DPP10: variants seen among roughly 807,000 people sequenced by gnomAD.
DPP10 encodes the protein dipeptidyl peptidase like 10, also known as inactive dipeptidyl peptidase 10.
A neutral mutation model predicts 120.9 loss-of-function variants in DPP10; 33 were observed. The ratio of observed to expected loss-of-function variants is 0.27; its 90% CI spans 0.21 to 0.37. The LOEUF is 0.37. Among genes scored for constraint, DPP10 ranks in the 10% least tolerant of loss-of-function variants. DPP10 has a pLI of 1.00. For synonymous variants in DPP10, 337 were observed against 326.1 expected, an observed-to-expected ratio of 1.03 and a Z score of -0.36; for missense variants, 816 against 942.8, an observed-to-expected ratio of 0.87 and a Z score of 1.76.
intron 1 of DPP10, among the ~76,000 whole-genome samples, chr2:115,210,652 C>T (rs2105349296): frequency 6.6e-6 from 1 of 152,248 alleles, no homozygotes; most frequent in Non-Finnish European, 1.5e-5. Flanking sequence ...AAAAGCATTC[C>T]TATTTCTCCA....
chr2:114,993,342 A>T (rs1700857504), intron 1 of DPP10, among the ~76,000 whole-genome samples: 1 of 138,456 alleles, frequency 7.2e-6, no homozygotes, highest in African/African-American at 2.7e-5. Context: ...GGTACTTGGT[A>T]CTTGGCACAG....
At chr2:115,067,499 G>A (rs112771163) in intron 1 of DPP10, among the ~76,000 whole-genome samples, 24,040 of 146,012 alleles carry the variant, frequency 0.16, 2,232 homozygotes, top group African/African-American at 0.27. Flanking sequence ...TGATCCCCCC[G>A]CCTCGGCCTC....
intron 7 of DPP10, among the ~76,000 whole-genome samples, chr2:115,716,498 A>G (rs2092498259): frequency 6.6e-6 from 1 of 152,146 alleles, no homozygotes; most frequent in Non-Finnish European, 1.5e-5. Flanking sequence ...ACTGCCTTTT[A>G]TTGCGGATCC....
intron 1 of DPP10, among the ~76,000 whole-genome samples, chr2:114,671,922 C>T (rs1368230654): frequency 6.6e-6 from 1 of 152,038 alleles, no homozygotes; most frequent in Non-Finnish European, 1.5e-5. Context: ...TATTTTCTCA[C>T]ATTCTACTGT....
chr2:114,477,828 T>C (rs1018365458), intron 1 of DPP10, among the ~76,000 whole-genome samples: 5 of 150,972 alleles, frequency 3.3e-5, no homozygotes, highest in South Asian at 2.1e-4. Flanking sequence ...TGTATATATG[T>C]ATGTACATAA....
chr2:115,705,849 A>G (rs1370101258), intron 7 of DPP10, among the ~76,000 whole-genome samples: 1 of 151,874 alleles, frequency 6.6e-6, no homozygotes, highest in Non-Finnish European at 1.5e-5. Context: ...GTATTGCCCC[A>G]TATCTAACGT....
At chr2:115,744,706 A>G (rs1677727276) in intron 9 of DPP10, among the ~76,000 whole-genome samples, 1 of 150,110 alleles carries the variant, frequency 6.7e-6, no homozygotes, top group East Asian at 1.9e-4. Flanking sequence ...TTATTGAGGA[A>G]CTCCTGCTGG....
At chr2:114,898,147 A>C (rs1489335065) in intron 1 of DPP10, among the ~76,000 whole-genome samples, 1 of 152,248 alleles carries the variant, frequency 6.6e-6, no homozygotes, top group East Asian at 1.9e-4. Flanking sequence ...GCACATATTC[A>C]CCATGGAATA....
At chr2:115,763,663 T>C (rs1180886451) in intron 12 of DPP10, among the ~76,000 whole-genome samples, 1 of 152,142 alleles carries the variant, frequency 6.6e-6, no homozygotes, top group Non-Finnish European at 1.5e-5. Context: ...TCTCAACCCC[T>C]CAGGCACCTG....
chr2:115,120,435 G>GA (rs146272970), intron 1 of DPP10, among the ~76,000 whole-genome samples: 8,534 of 152,248 alleles, frequency 0.056, 304 homozygotes, highest in East Asian at 0.15. Flanking sequence ...CACAAATATA[G>GA]AAGGTTCCTT....
chr2:115,256,622 C>T (rs909232014), intron 1 of DPP10, among the ~76,000 whole-genome samples: 1 of 152,218 alleles, frequency 6.6e-6, no homozygotes, highest in Non-Finnish European at 1.5e-5. Flanking sequence ...ACCTGGAAGA[C>T]TGCTGAAATG....
chr2:114,976,124 T>TA (rs1162167751), intron 1 of DPP10, among the ~76,000 whole-genome samples: 1 of 152,238 alleles, frequency 6.6e-6, no homozygotes, highest in Non-Finnish European at 1.5e-5. Flanking sequence ...CAACAATGTT[T>TA]ACAAATTAAA....
intron 1 of DPP10, among the ~76,000 whole-genome samples, chr2:115,007,752 C>A (rs527398186): frequency 1.3e-5 from 2 of 150,544 alleles, no homozygotes; most frequent in Non-Finnish European, 3.0e-5. Flanking sequence ...AATCAATGTG[C>A]AAAAATCACA....
At position 115,107,422 on chromosome 2, in the gene DPP10, C is replaced by CTTTTTTT. The variant is rs59046305; in HGVS notation, c.61-201795_61-201789dup. Among the ~76,000 whole-genome samples, 7 of 59,868 alleles carry CTTTTTTT rather than the reference C, an allele frequency of 1.2e-4. 1 individual carries two copies. The highest frequency in any genetic ancestry group is 1.1e-3 in the Admixed American group (4 of 3,608). 39.3% of individuals were successfully genotyped at this position (59,868 alleles called of 152,430 possible). ...AAAAAGTTTGTGGGATTGGTTATAG[C>CTTTTTTT]TTTTTTTTTTTTTTTTTTTTTTTTT... On this transcript the variant is annotated intron_variant, in intron 1 of 25. Transcript: ENST00000410059.
At chr2:115,107,074 C>CAA (rs1356741088) in intron 1 of DPP10, among the ~76,000 whole-genome samples, 8 of 81,272 alleles carry the variant, frequency 9.8e-5, no homozygotes, top group Non-Finnish European at 1.4e-4. Context: ...GGCTCTGTCT[C>CAA]AAAAAAAAAA....
At chr2:114,522,758 G>T (rs1229168180) in intron 1 of DPP10, among the ~76,000 whole-genome samples, 2 of 152,112 alleles carry the variant, frequency 1.3e-5, no homozygotes, top group Non-Finnish European at 2.9e-5. Flanking sequence ...GTTCCACGTG[G>T]CTGGGGAGGC....
chr2:114,931,177 C>T (rs1287884262), intron 1 of DPP10, among the ~76,000 whole-genome samples: 1 of 152,176 alleles, frequency 6.6e-6, no homozygotes, highest in Non-Finnish European at 1.5e-5. Flanking sequence ...AGCAACATCT[C>T]ATTCCTTGGT....
intron 3 of DPP10, among the ~76,000 whole-genome samples, chr2:115,370,249 A>G (rs1473336380): frequency 3.3e-5 from 5 of 152,110 alleles, no homozygotes; most frequent in African/African-American, 4.8e-5. Context: ...AGACTTGGGA[A>G]CACTTAGGCT....
intron 3 of DPP10, among the ~76,000 whole-genome samples, chr2:115,428,690 G>A (rs771108442): frequency 3.3e-5 from 5 of 152,148 alleles, no homozygotes; most frequent in Admixed American, 3.3e-4. Context: ...AGAAATGCTC[G>A]TTTCCCAGTG....
Sources: allele counts gnomAD v4.1 joint callset (sites outside exome capture counted in the v4.1 genomes callset), GRCh38; gene constraint gnomAD v4.1.1; transcripts MANE v1.5; gene names NCBI Gene and HGNC (gene_info 2026-07-23, HGNC 2026-07-21).